ESD: variants seen among roughly 807,000 people sequenced by gnomAD.
ESD encodes esterase D.
Under a neutral mutation model 38.1 loss-of-function variants are expected in ESD, and 34 were observed. The ratio of observed to expected loss-of-function variants is 0.89; its 90% CI spans 0.68 to 1.19. The LOEUF (loss-of-function observed/expected upper bound fraction) is 1.19, where lower values mean the gene tolerates loss of function less well. Ranked by LOEUF, ESD falls within the 50% of genes most tolerant of loss-of-function variation. The pLI is 0.00. For synonymous variants in ESD, 97 were observed against 107.0 expected (o/e 0.91, Z 0.58); for missense variants, 334 against 327.2 (o/e 1.02, Z -0.16).
intron 5 of ESD, among the ~76,000 whole-genome samples, chr13:46,783,352 T>C (rs1875078575): frequency 6.6e-6 from 1 of 152,004 alleles, no homozygotes; most frequent in Non-Finnish European, 1.5e-5. Context: ...TCTTTTTAAC[T>C]TGTTACATTT....
chr13:46,796,279 T>C (rs1272570240), intron 1 of ESD, among the ~76,000 whole-genome samples: 2 of 152,194 alleles, frequency 1.3e-5, no homozygotes, highest in African/African-American at 4.8e-5. Flanking sequence ...TCACCACTTA[T>C]TACTACATGA....
rs577809326 is a variant in ESD, at chr13:46,772,935, T to C, written c.769-1439A>G. Among the ~76,000 whole-genome samples the C allele has an allele frequency of 1.6e-4, 24 of 152,206 alleles. No individual in the cohort carries two copies. The South Asian group carries it at 2.3e-3, about 14-fold the overall frequency. ...TCCTGACCTTGTGATCCGTCCACCT[T>C]AGCCTCCCAAAGTGCTGGGATTACA... On this transcript the variant is annotated intron_variant, in intron 9 of 9. Transcript: ENST00000378720.
At chr13:46,791,796 A>T (rs1216963) in intron 2 of ESD, among the ~76,000 whole-genome samples, 2,334 of 152,188 alleles carry the variant, frequency 0.015, 66 homozygotes, top group African/African-American at 0.053. Flanking sequence ...GCAACAAAGT[A>T]GTCAAGGAAT....
At chr13:46,796,832 G>C (rs1419520207) in intron 1 of ESD, among the ~76,000 whole-genome samples, 1 of 152,256 alleles carries the variant, frequency 6.6e-6, no homozygotes, top group Non-Finnish European at 1.5e-5. Flanking sequence ...CAAATGTAGC[G>C]GGCAGTAGGT....
chr13:46,796,007 T>C (rs1593413614), intron 1 of ESD, among the ~76,000 whole-genome samples: 1 of 152,250 alleles, frequency 6.6e-6, no homozygotes, highest in East Asian at 1.9e-4. Flanking sequence ...AGGTAAGGAT[T>C]TCTATTAAAC....
At position 46,774,310 on chromosome 13, in the gene ESD, T is replaced by A. The variant is rs946142069; in HGVS notation, c.769-2814A>T. Among the ~76,000 whole-genome samples, 4 of 152,298 alleles carry A rather than the reference T, an allele frequency of 2.6e-5. No individual in the cohort carries two copies. The East Asian group carries it at 7.7e-4, about 29-fold the overall frequency. On this transcript the variant is annotated intron_variant, in intron 9 of 9. Transcript: ENST00000378720. ...CCTGCCATTGAGGGCCCAAGAATTT[T>A]AAAAAATGTCAACAAAAAGGCAATA... is the stretch of plus-strand genomic sequence containing the variant.
chr13:46,791,394 G>C lies in ESD; in HGVS notation c.20C>G (p.Ser7Cys), dbSNP rs1875395384. The change falls in exon 3 of 10, where the codon TCC becomes TGC. Residue 7 changes from serine to cysteine, a missense_variant. Transcript: ENST00000378720. MALKQI[S>C]SNKCFGGLQK... ...CAATCCCCCAAAGCACTTGTTGCTG[G>C]AAATCTGCTTCAATGCCATTCTTTT... is the stretch of plus-strand genomic sequence containing the variant. The C allele has an allele frequency of 6.2e-7, 1 of 1,612,810 alleles. No homozygotes were observed. The highest frequency in any genetic ancestry group is 8.5e-7 in the Non-Finnish European group (1 of 1,179,366).
intron 3 of ESD, among the ~76,000 whole-genome samples, chr13:46,790,240 T>C (rs1875349075): frequency 6.6e-6 from 1 of 152,134 alleles, no homozygotes. Context: ...TTAAAGACTT[T>C]ATACAAATGT....
At chr13:46,784,542 A>G (rs1178611953) in intron 4 of ESD, among the ~76,000 whole-genome samples, 192 bp from the exon 5 acceptor site, 1 of 151,998 alleles carries the variant, frequency 6.6e-6, no homozygotes, top group Non-Finnish European at 1.5e-5. Context: ...ATACGCTCAT[A>G]TAACAAACCT....
intron 9 of ESD, chr13:46,777,083 A>T (rs954198038): frequency 1.3e-5 from 2 of 155,938 alleles, no homozygotes; most frequent in Non-Finnish European, 2.8e-5. Flanking sequence ...GCTAAAATAT[A>T]TACATAAAAT....
rs767348316 is a variant in ESD at position 46,787,067 on chromosome 13, T to TGGTA, written c.107_110dup (p.Pro38ThrfsTer55). On this transcript the variant is annotated frameshift_variant, in exon 4 of 10. Coordinates refer to ENST00000378720, the MANE Select transcript of ESD (RefSeq NM_001984.2). LOFTEE classifies it high-confidence loss of function. Reference sequence around the variant, plus strand: ...GGCACTTTCCTGTTTCTGCCTTTGGTGGTAAGTAGACAGCAAATTTCATTT... The same window carrying TGGTA: ...GGCACTTTCCTGTTTCTGCCTTTGGTGGTAGGTAAGTAGACAGCAAATTTCATTT... 2.5e-6 allele frequency: 4 copies of TGGTA among 1,579,474 alleles called. No individual in the cohort carries two copies. In the Admixed American group the frequency reaches 6.9e-5, roughly 27 times the overall value.
At chr13:46,785,770 C>T (rs1036546063) in intron 4 of ESD, 2 of 151,988 alleles carry the variant, frequency 1.3e-5, no homozygotes, top group Non-Finnish European at 1.5e-5. Context: ...ACTTGTAAAG[C>T]TCAGATATGT....
At chr13:46,775,718 G>A (rs1944876644) in intron 9 of ESD, 3 of 467,262 alleles carry the variant, frequency 6.4e-6, no homozygotes, top group Non-Finnish European at 8.8e-6. Context: ...ATAGAAAATT[G>A]CACCTGAGCT....
intron 5 of ESD, among the ~76,000 whole-genome samples, 189 bp from the exon 6 acceptor site, chr13:46,782,980 C>A (rs763022396): frequency 1.3e-5 from 2 of 151,884 alleles, no homozygotes; most frequent in African/African-American, 4.8e-5. Flanking sequence ...TGGGGCCCTG[C>A]GACTCGTTCT....
At chr13:46,785,037 TACAG>T (rs1242497999) in intron 4 of ESD, among the ~76,000 whole-genome samples, 1 of 152,048 alleles carries the variant, frequency 6.6e-6, no homozygotes, top group Non-Finnish European at 1.5e-5. Context: ...TTTTTTTACA[TACAG>T]ATAGTTCTCA....
chr13:46,790,174 GAAGTC>G (rs950542266), intron 3 of ESD, among the ~76,000 whole-genome samples: 1 of 151,854 alleles, frequency 6.6e-6, no homozygotes, highest in Non-Finnish European at 1.5e-5. Context: ...AGCATCCTAT[GAAGTC>G]AAGAGGTCAA....
rs565189511 is a variant in ESD, at chr13:46,791,627, C to T, written c.-7-207G>A. ...TACACTTGTTACTCACTTTTAAAAG[C>T]TTTCATACTTTGGTATATCATTACT... On this transcript the variant is annotated intron_variant, in intron 2 of 9. Transcript: ENST00000378720. Among the ~76,000 whole-genome samples, 6 of 152,052 alleles carry T rather than the reference C, an allele frequency of 3.9e-5. No individual in the cohort carries two copies. In the South Asian group the frequency reaches 1.2e-3, roughly 32 times the overall value.
chr13:46,796,034 T>A (rs1313403736), intron 1 of ESD, among the ~76,000 whole-genome samples: 7 of 150,294 alleles, frequency 4.7e-5, no homozygotes, highest in South Asian at 2.1e-4. Context: ...GAAAATTTTT[T>A]AAAAAAAATA....
intron 3 of ESD, among the ~76,000 whole-genome samples, chr13:46,788,957 A>C (rs1944855564): frequency 6.6e-6 from 1 of 152,132 alleles, no homozygotes; most frequent in South Asian, 2.1e-4. Flanking sequence ...CAGTGATATT[A>C]ATAAAAATGT....
Sources: allele counts gnomAD v4.1 joint callset (sites outside exome capture counted in the v4.1 genomes callset), GRCh38; gene constraint gnomAD v4.1.1; transcripts MANE v1.5; gene names NCBI Gene and HGNC (gene_info 2026-07-23, HGNC 2026-07-21).